Variants in SLC25A36 observed in about 807,000 individuals in gnomAD.
SLC25A36 encodes epididymis secretory sperm binding protein.
Under a neutral mutation model 35.3 loss-of-function variants are expected in SLC25A36, and 24 were observed. That is an observed-to-expected ratio of 0.68 (90% CI 0.49 to 0.96). The LOEUF (loss-of-function observed/expected upper bound fraction) is 0.96, where lower values mean the gene tolerates loss of function less well. Among genes scored for constraint, SLC25A36 ranks in the 40% least tolerant of loss-of-function variants. SLC25A36 has a pLI of 0.00. For missense variants in SLC25A36, 294 were observed against 381.1 expected (o/e 0.77, Z 1.90); for synonymous variants, 141 against 132.2 (o/e 1.07, Z -0.46).
At chr3:140,942,162 G>A (rs1264433842) in intron 1 of SLC25A36, 67 bp downstream of exon 1, 5 of 239,380 alleles carry the variant, frequency 2.1e-5, no homozygotes, top group African/African-American at 7.4e-5. Context: ...AGGCGAGGGG[G>A]GCGAGGGGGG....
rs1402422714 is a variant in SLC25A36 at position 140,970,994 on chromosome 3, G to T, written c.452+1G>T. 2 of 1,351,148 alleles carry T rather than the reference G, an allele frequency of 1.5e-6. No individual in the cohort carries two copies. The allele number at this position is 1,351,148 out of a possible 1,614,324, so 83.7% of individuals were successfully genotyped here. On this transcript the variant is annotated splice_donor_variant, in intron 5 of 6. Transcript: ENST00000324194. LOFTEE classifies it high-confidence loss of function. Reference sequence around the variant, plus strand: ...AGACTCGGTTACAGCTTGATGCAAGGTATGTTAATTCCTTAAAATAAAATT... The same window carrying T: ...AGACTCGGTTACAGCTTGATGCAAGTTATGTTAATTCCTTAAAATAAAATT...
At chr3:140,961,595 C>T (rs565347950) in intron 3 of SLC25A36, among the ~76,000 whole-genome samples, 10 of 152,098 alleles carry the variant, frequency 6.6e-5, no homozygotes, top group African/African-American at 2.4e-4. Context: ...GTGGCTCACA[C>T]CTGTAATCCC....
At chr3:140,963,278 C>A in intron 4 of SLC25A36, 51 bp downstream of exon 4, 1 of 1,083,486 alleles carries the variant, frequency 9.2e-7, no homozygotes, top group Non-Finnish European at 1.3e-6. Flanking sequence ...AACCTAGAGG[C>A]TTAATATTGA....
At chr3:140,952,779 T>G (rs1296281128) in intron 1 of SLC25A36, among the ~76,000 whole-genome samples, 1 of 152,216 alleles carries the variant, frequency 6.6e-6, no homozygotes, top group Non-Finnish European at 1.5e-5. Flanking sequence ...GAATCATGGC[T>G]TTATGTGCTC....
At chr3:140,974,172 C>T (rs997422151) in intron 6 of SLC25A36, among the ~76,000 whole-genome samples, 167 bp downstream of exon 6, 6 of 151,978 alleles carry the variant, frequency 3.9e-5, no homozygotes, top group Non-Finnish European at 8.8e-5. Context: ...ATTAATAGGT[C>T]AGTATTATGC....
chr3:140,966,691 T>C (rs915970530), intron 4 of SLC25A36: 5 of 346,602 alleles, frequency 1.4e-5, no homozygotes, highest in African/African-American at 1.1e-4. Flanking sequence ...GAATTGATCT[T>C]CTTTTAGGTA....
At chr3:140,962,166 G>GT (rs1369924287) in intron 3 of SLC25A36, among the ~76,000 whole-genome samples, 1 of 151,998 alleles carries the variant, frequency 6.6e-6, no homozygotes, top group Non-Finnish European at 1.5e-5. Context: ...TTGGCATCAA[G>GT]TGTATCTTAT....
intron 4 of SLC25A36, chr3:140,965,474 G>A (rs900752608): frequency 2.0e-5 from 3 of 151,748 alleles, no homozygotes; most frequent in Middle Eastern, 3.4e-3. Context: ...ACACCAGATA[G>A]CACACACATT....
chr3:140,949,195 T>C (rs915750452), intron 1 of SLC25A36, among the ~76,000 whole-genome samples: 7 of 152,220 alleles, frequency 4.6e-5, no homozygotes, highest in Non-Finnish European at 1.5e-5. Flanking sequence ...TTAAGGTAGC[T>C]AGACCCCCTG....
At chr3:140,962,308 G>A (rs1044144348) in intron 3 of SLC25A36, among the ~76,000 whole-genome samples, 2 of 152,126 alleles carry the variant, frequency 1.3e-5, no homozygotes, top group Non-Finnish European at 2.9e-5. Context: ...TATTGGATGA[G>A]TAATCAGGAT....
In SLC25A36 at chr3:140,976,558, C is replaced by A; in HGVS notation, c.*105C>A. ...AGACAGAAGAAAAATAGTTTGGGAA[C>A]ATGTAACTATTCTAAGTGGAAGTTT... On this transcript the variant is annotated 3_prime_UTR_variant, in exon 7 of 7. Coordinates refer to ENST00000324194, the MANE Select transcript of SLC25A36 (RefSeq NM_001104647.3). The A allele has an allele frequency of 3.4e-6, 3 of 883,210 alleles. No individual in the cohort carries two copies. Among genetic ancestry groups the A allele is most frequent in the Non-Finnish European group, 4.9e-6 (3 of 618,302 alleles). 54.7% of individuals were successfully genotyped at this position (883,210 alleles called of 1,614,324 possible). A position where few individuals can be genotyped will look rare whatever the true frequency, so the allele number is the denominator to read the frequency against.
rs79634355 is a variant in SLC25A36 at position 140,943,049 on chromosome 3, T to G, written c.41+954T>G. On this transcript the variant is annotated intron_variant, in intron 1 of 6. Transcript: ENST00000324194. Reference sequence around the variant, plus strand: ...AGTCTTAGTTCCCTGATTGCCAAAATGAGTGTTAGAGCTTCCAGTTTAGCC... The same window carrying G: ...AGTCTTAGTTCCCTGATTGCCAAAAGGAGTGTTAGAGCTTCCAGTTTAGCC... Among the ~76,000 whole-genome samples the G allele has an allele frequency of 1.7e-3, 255 of 152,338 alleles. 3 individuals carry two copies. In the East Asian group the frequency reaches 0.019, roughly 12 times the overall value.
chr3:140,963,013 G>T lies in SLC25A36; in HGVS notation c.285-114G>T, dbSNP rs542925526. ...AAATCTAATGTTACATGAGAATGTGGCTAGGACTTTATGGTTTTTAAATTT... is the reference window on the plus strand; with the variant it reads ...AAATCTAATGTTACATGAGAATGTGTCTAGGACTTTATGGTTTTTAAATTT... On this transcript the variant is annotated intron_variant, in intron 3 of 6. Transcript: ENST00000324194. 19 of 584,138 alleles carry T rather than the reference G, an allele frequency of 3.3e-5. 1 individual carries two copies. In the South Asian group the frequency reaches 5.4e-4, roughly 16 times the overall value. The allele number at this position is 584,138 out of a possible 1,614,324, so 36.2% of individuals were successfully genotyped here.
chr3:140,967,952 T>G, intron 4 of SLC25A36: 1 of 983,716 alleles, frequency 1.0e-6, no homozygotes, highest in Non-Finnish European at 1.2e-6. Flanking sequence ...TATGAAAATG[T>G]CACAAAATTA....
chr3:140,949,181 G>C (rs991250458), intron 1 of SLC25A36, among the ~76,000 whole-genome samples: 1 of 152,002 alleles, frequency 6.6e-6, no homozygotes, highest in African/African-American at 2.4e-5. Flanking sequence ...GTCCATAAAG[G>C]CCCTTAAGGT....
intron 5 of SLC25A36, among the ~76,000 whole-genome samples, chr3:140,971,421 A>G (rs545058155): frequency 1.6e-4 from 24 of 152,304 alleles, no homozygotes; most frequent in African/African-American, 5.5e-4. Flanking sequence ...AGAGAACCCT[A>G]GGCTGACAGA....
rs1934668420 is a variant in SLC25A36, at chr3:140,962,981, A to G, written c.285-146A>G. The G allele has an allele frequency of 6.6e-6, 3 of 453,760 alleles. No individual in the cohort carries two copies. In the South Asian group the frequency reaches 1.3e-4, roughly 20 times the overall value. The allele number at this position is 453,760 out of a possible 1,614,324, so 28.1% of individuals were successfully genotyped here. On this transcript the variant is annotated intron_variant, in intron 3 of 6. Transcript: ENST00000324194. ...AGAAAGTACTTCAGAGTATTTATGA[A>G]AAGTGTAAATCTAATGTTACATGAG... is the stretch of plus-strand genomic sequence containing the variant.
intron 1 of SLC25A36, among the ~76,000 whole-genome samples, chr3:140,953,224 A>T (rs1934376245): frequency 2.0e-5 from 3 of 152,186 alleles, no homozygotes; most frequent in Non-Finnish European, 4.4e-5. Context: ...GGCCTCATAT[A>T]TAATGAGGTT....
At chr3:140,949,868 T>C (rs553239054) in intron 1 of SLC25A36, among the ~76,000 whole-genome samples, 2 of 152,354 alleles carry the variant, frequency 1.3e-5, no homozygotes, top group East Asian at 3.9e-4. Context: ...CCTTGAACTA[T>C]GTTATTTAAT....
Sources: allele counts gnomAD v4.1 joint callset (sites outside exome capture counted in the v4.1 genomes callset), GRCh38; gene constraint gnomAD v4.1.1; transcripts MANE v1.5; gene names NCBI Gene and HGNC (gene_info 2026-07-23, HGNC 2026-07-21).